The following CEP135 variants were observed in gnomAD, a reference collection of about 807,000 sequenced individuals.
The protein encoded by CEP135 is centrosomal protein 135, also known as centrosomal protein of 135 kDa.
CEP135 carries 142 observed loss-of-function variants against 157.3 expected under a neutral mutation model. The ratio of observed to expected loss-of-function variants is 0.90; its 90% CI spans 0.79 to 1.04. CEP135 has a LOEUF of 1.04. Ranked by LOEUF, CEP135 falls within the 50% of genes least tolerant of loss-of-function variation. The pLI, the probability that CEP135 is intolerant of heterozygous loss-of-function variation, is 0.00. For synonymous variants in CEP135, 396 were observed against 439.8 expected (o/e 0.90, Z 1.25); for missense variants, 1,317 against 1,309.2 (o/e 1.01, Z -0.09).
At chr4:55,998,403 G>T (rs142360072) in intron 15 of CEP135, among the ~76,000 whole-genome samples, 37 of 152,290 alleles carry the variant, frequency 2.4e-4, no homozygotes, top group African/African-American at 7.9e-4. Flanking sequence ...ATCAGTAACA[G>T]ATTTCTCTGA....
chr4:55,999,748 A>C, intron 17 of CEP135, 103 bp downstream of exon 17: 3 of 1,194,194 alleles, frequency 2.5e-6, no homozygotes, highest in Non-Finnish European at 3.5e-6. Context: ...GCTGGAGTGC[A>C]GTGGCATGAT....
intron 17 of CEP135, among the ~76,000 whole-genome samples, chr4:56,003,617 C>G (rs1730252601): frequency 2.0e-5 from 3 of 151,840 alleles, no homozygotes; most frequent in Non-Finnish European, 4.4e-5. Flanking sequence ...TAGTTCCTTT[C>G]TAGTTTCTGG....
chr4:55,952,035 A>G, intron 1 of CEP135, 51 bp from the exon 2 acceptor site: 1 of 591,072 alleles, frequency 1.7e-6, no homozygotes, highest in East Asian at 2.8e-5. Context: ...TTATTGTGAA[A>G]CAACAATCAT....
At chr4:55,958,667 T>C (rs970395905) in intron 5 of CEP135, among the ~76,000 whole-genome samples, 3 of 152,144 alleles carry the variant, frequency 2.0e-5, no homozygotes, top group African/African-American at 4.8e-5. Flanking sequence ...TTTATATGAG[T>C]GCAGTTGCAT....
intron 15 of CEP135, among the ~76,000 whole-genome samples, chr4:55,996,108 TA>T (rs2109708496): frequency 6.6e-6 from 1 of 152,316 alleles, no homozygotes; most frequent in Non-Finnish European, 1.5e-5. Flanking sequence ...TTTTTTAAGG[TA>T]ATTGATAACC....
At chr4:56,009,167 G>GTTGTTGTTGTTT (rs1730475207) in intron 18 of CEP135, among the ~76,000 whole-genome samples, 1 of 151,822 alleles carries the variant, frequency 6.6e-6, no homozygotes, top group African/African-American at 2.4e-5. Flanking sequence ...TGTTGTTGTT[G>GTTGTTGTTGTTT]TTTTTTGTTG....
In CEP135 at chr4:55,949,066, CCGGATG is replaced by C. The variant is rs1728255000; in HGVS notation, c.-46+8_-46+13del. The C allele has an allele frequency of 6.5e-6, 1 of 153,644 alleles. No homozygotes were observed. The highest frequency in any genetic ancestry group is 1.4e-5 in the Non-Finnish European group (1 of 69,226). The allele number at this position is 153,644 out of a possible 1,614,324, so 9.5% of individuals were successfully genotyped here. On this transcript the variant is annotated splice_region_variant and intron_variant, in intron 1 of 25. Coordinates refer to ENST00000257287, the MANE Select transcript of CEP135 (RefSeq NM_025009.5). Reference sequence around the variant, plus strand: ...ACGGCGGCTGGAGCTGCCGGTGAGTCCGGATGTGGGAGCCAGAGGGCCAGCTGCGGC... The same window carrying C: ...ACGGCGGCTGGAGCTGCCGGTGAGTCTGGGAGCCAGAGGGCCAGCTGCGGC...
intron 8 of CEP135, chr4:55,966,370 T>G (rs1046034943): frequency 1.3e-5 from 2 of 155,364 alleles, no homozygotes; most frequent in Non-Finnish European, 2.8e-5. Context: ...TTTTGTACTT[T>G]TAGTAGAGAT....
At chr4:55,950,847 A>T (rs889959688) in intron 1 of CEP135, among the ~76,000 whole-genome samples, 1 of 152,184 alleles carries the variant, frequency 6.6e-6, no homozygotes, top group Admixed American at 6.5e-5. Flanking sequence ...AAATGTATAC[A>T]CTTGTGTAAC....
At position 55,965,470 on chromosome 4, in the gene CEP135, A is replaced by G. The variant is rs533715665; in HGVS notation, c.829-174A>G. ...AAGTCAATGGATATGTACTTTCATT[A>G]CACTGCACATGGTCAGTTTTGTAAA... On this transcript the variant is annotated intron_variant, in intron 7 of 25. Coordinates refer to ENST00000257287, the MANE Select transcript of CEP135 (RefSeq NM_025009.5). 4 of 529,558 alleles carry G rather than the reference A, an allele frequency of 7.6e-6. No homozygotes were observed. In the South Asian group the frequency reaches 9.4e-5, roughly 12 times the overall value. 32.8% of individuals were successfully genotyped at this position (529,558 alleles called of 1,614,324 possible). A position where few individuals can be genotyped will look rare whatever the true frequency, so the allele number is the denominator to read the frequency against.
At chr4:56,012,757 T>C (rs1049101870) in intron 21 of CEP135, among the ~76,000 whole-genome samples, 1 of 152,258 alleles carries the variant, frequency 6.6e-6, no homozygotes, top group Non-Finnish European at 1.5e-5. Context: ...TTTCATTGTA[T>C]GTATGTACCA....
intron 17 of CEP135, among the ~76,000 whole-genome samples, chr4:56,005,486 CTT>C (rs1028121236): frequency 6.6e-6 from 1 of 152,110 alleles, no homozygotes; most frequent in African/African-American, 2.4e-5. Context: ...AAATTCTACT[CTT>C]TATCTCCCTC....
At chr4:55,977,218 C>G (rs892003840) in intron 11 of CEP135, among the ~76,000 whole-genome samples, 1 of 152,176 alleles carries the variant, frequency 6.6e-6, no homozygotes, top group African/African-American at 2.4e-5. Context: ...TTTTCAACCC[C>G]TGCTTTATGG....
intron 5 of CEP135, 145 bp downstream of exon 5, chr4:55,957,509 T>C (rs1263144529): frequency 9.8e-6 from 6 of 610,248 alleles, no homozygotes; most frequent in Non-Finnish European, 1.3e-5. Context: ...AGTAAATACT[T>C]CCAGATTGAT....
intron 15 of CEP135, among the ~76,000 whole-genome samples, chr4:55,995,269 CAA>C (rs1044298121): frequency 7.9e-5 from 12 of 152,086 alleles, no homozygotes; most frequent in Non-Finnish European, 5.9e-5. Context: ...TGTAAATAGA[CAA>C]GAGTCAATAT....
intron 11 of CEP135, among the ~76,000 whole-genome samples, chr4:55,979,679 C>T (rs1357121717): frequency 6.6e-6 from 1 of 152,154 alleles, no homozygotes; most frequent in African/African-American, 2.4e-5. Context: ...AAAAAATTAC[C>T]AGGCATCAGA....
At chr4:56,006,350 T>C (rs1730346001) in intron 17 of CEP135, among the ~76,000 whole-genome samples, 1 of 152,254 alleles carries the variant, frequency 6.6e-6, no homozygotes, top group African/African-American at 2.4e-5. Flanking sequence ...CTTTGCTTGA[T>C]CCATTCTCCT....
intron 1 of CEP135, among the ~76,000 whole-genome samples, chr4:55,950,428 G>A (rs1223278690): frequency 1.3e-5 from 2 of 152,160 alleles, no homozygotes; most frequent in Non-Finnish European, 2.9e-5. Context: ...ATTTGGCTTA[G>A]AAATACGAGT....
At chr4:55,955,104 G>T (rs1446995847) in intron 4 of CEP135, among the ~76,000 whole-genome samples, 1 of 151,926 alleles carries the variant, frequency 6.6e-6, no homozygotes. Flanking sequence ...GAAATGATGG[G>T]CCACATCCAG....
Sources: allele counts gnomAD v4.1 joint callset (sites outside exome capture counted in the v4.1 genomes callset), GRCh38; gene constraint gnomAD v4.1.1; transcripts MANE v1.5; gene names NCBI Gene and HGNC (gene_info 2026-07-23, HGNC 2026-07-21).